Variants in MCPH1 observed in about 807,000 individuals in gnomAD.
MCPH1 encodes the protein microcephalin.
MCPH1 carries 104 observed loss-of-function variants against 84.5 expected under a neutral mutation model. The observed-to-expected ratio is 1.23, with a 90% CI of 1.05 to 1.45. The LOEUF is 1.45. Ranked by LOEUF, MCPH1 falls within the 40% of genes most tolerant of loss-of-function variation. MCPH1 has a pLI of 0.00. For missense variants in MCPH1, 1,498 were observed against 1,005.7 expected, an observed-to-expected ratio of 1.49 and a Z score of -6.62; for synonymous variants, 514 against 366.8, an observed-to-expected ratio of 1.40 and a Z score of -4.58.
chr8:6,624,425 GTCTCCAGTGTAGTGGGCA>G (rs1365526248), intron 13 of MCPH1, among the ~76,000 whole-genome samples: 4 of 151,480 alleles, frequency 2.6e-5, no homozygotes, highest in Non-Finnish European at 5.9e-5. Context: ...CGTAGTGGGC[GTCTCCAGTGTAGTGGGCA>G]TCTCCAGTGT....
At chr8:6,513,375 C>G (rs1815569005) in intron 12 of MCPH1, among the ~76,000 whole-genome samples, 2 of 150,720 alleles carry the variant, frequency 1.3e-5, no homozygotes, top group Admixed American at 1.3e-4. Context: ...CTCTGTCGCC[C>G]AGGTTGCAGT....
chr8:6,486,598 A>T (rs901042092), intron 11 of MCPH1, among the ~76,000 whole-genome samples: 1 of 152,186 alleles, frequency 6.6e-6, no homozygotes, highest in South Asian at 2.1e-4. Flanking sequence ...TGAGAAGTTT[A>T]TTGGCAATTT....
At chr8:6,527,627 A>C (rs766438954) in intron 12 of MCPH1, 7 of 1,613,874 alleles carry the variant, frequency 4.3e-6, no homozygotes, top group Non-Finnish European at 5.9e-6. Flanking sequence ...GTTTGTCGAG[A>C]GGGAGTGTTC....
intron 9 of MCPH1, among the ~76,000 whole-genome samples, chr8:6,475,307 C>T (rs1348405686): frequency 6.6e-6 from 1 of 152,240 alleles, no homozygotes; most frequent in Non-Finnish European, 1.5e-5. Context: ...ACTCCTTTTA[C>T]GTGGTGGACA....
intron 3 of MCPH1, among the ~76,000 whole-genome samples, chr8:6,429,211 C>T (rs780209019): frequency 1.3e-5 from 2 of 152,184 alleles, no homozygotes; most frequent in Non-Finnish European, 2.9e-5. Flanking sequence ...TATTTCCTTT[C>T]ATGGAAAACT....
At chr8:6,420,341 G>C (rs967656566) in intron 3 of MCPH1, among the ~76,000 whole-genome samples, 1 of 152,018 alleles carries the variant, frequency 6.6e-6, no homozygotes, top group African/African-American at 2.4e-5. Context: ...TCTCCAGGCT[G>C]TACTACTTTT....
At chr8:6,418,011 G>A (rs2129552112) in intron 3 of MCPH1, among the ~76,000 whole-genome samples, 1 of 152,312 alleles carries the variant, frequency 6.6e-6, no homozygotes, top group Non-Finnish European at 1.5e-5. Context: ...TTGCTTAGAT[G>A]CGCCCTTTAA....
rs749638544 is a variant in MCPH1, at chr8:6,480,695, T to A, written c.1974-19T>A. On this transcript the variant is annotated intron_variant, in intron 10 of 13. Coordinates refer to ENST00000344683, the MANE Select transcript of MCPH1 (RefSeq NM_024596.5). Reference sequence around the variant, plus strand: ...CAACAAAGTCATTCATTTTGTTAATTTTTCCCCCGATTTGACAGAAAGCAG... The same window carrying A: ...CAACAAAGTCATTCATTTTGTTAATATTTCCCCCGATTTGACAGAAAGCAG... 5.0e-6 allele frequency: 8 copies of A among 1,613,984 alleles called. No homozygotes were observed. Among genetic ancestry groups the A allele is most frequent in the Non-Finnish European group, 6.8e-6 (8 of 1,179,984 alleles).
At chr8:6,634,354 G>A (rs1481761183) in intron 13 of MCPH1, among the ~76,000 whole-genome samples, 1 of 152,176 alleles carries the variant, frequency 6.6e-6, no homozygotes, top group Non-Finnish European at 1.5e-5. Flanking sequence ...CAAGATTATC[G>A]CTAATGAAAA....
intron 9 of MCPH1, among the ~76,000 whole-genome samples, chr8:6,468,647 T>G (rs1222851078): frequency 2.8e-5 from 2 of 71,214 alleles, no homozygotes; most frequent in African/African-American, 2.1e-4. Flanking sequence ...ATTTTTTTGG[T>G]TTTTTTTTTT....
intron 1 of MCPH1, chr8:6,406,999 C>A: frequency 2.3e-6 from 1 of 438,484 alleles, no homozygotes; most frequent in Admixed American, 3.8e-5. Context: ...CCCCAACCCC[C>A]GTGCTGCTAG....
Position 6,445,643 on chromosome 8 carries a change from T to C in MCPH1, c.1825+96T>C, listed in dbSNP as rs535208899. On this transcript the variant is annotated intron_variant, in intron 8 of 13. Transcript: ENST00000344683. The stretch of plus-strand genomic sequence containing the variant: ...TATCACAACTTTTTCATAACTTATT[T>C]CCCCATTTACTCCTCTTTTTACTTA... 11 of 1,483,488 alleles carry C rather than the reference T, an allele frequency of 7.4e-6. No individual in the cohort carries two copies. In the African/African-American group the frequency reaches 1.3e-4, roughly 17 times the overall value. 91.9% of individuals were successfully genotyped at this position (1,483,488 alleles called of 1,614,324 possible).
At chr8:6,630,716 G>C (rs761662486) in intron 13 of MCPH1, among the ~76,000 whole-genome samples, 9 of 151,452 alleles carry the variant, frequency 5.9e-5, no homozygotes, top group African/African-American at 1.9e-4. Context: ...GGGAGGTGGA[G>C]GTTGCAGTGA....
At position 6,630,795 on chromosome 8, in the gene MCPH1, A is replaced by T. The variant is rs60488979; in HGVS notation, c.2452+9104A>T. 3.9e-3 allele frequency among the ~76,000 whole-genome samples: 272 copies of T among 70,280 alleles called. 3 individuals are homozygous for T. The highest frequency in any genetic ancestry group is 0.01 in the African/African-American group (244 of 23,948). 46.1% of individuals were successfully genotyped at this position (70,280 alleles called of 152,430 possible). On this transcript the variant is annotated intron_variant, in intron 13 of 13. Coordinates refer to ENST00000344683, the MANE Select transcript of MCPH1 (RefSeq NM_024596.5). ...AAACTCTGTCCTAAAAAAAAAAAAC[A>T]AAAAAAAAAAACAATTATATATCAA...
intron 12 of MCPH1, 60 bp from the exon 13 acceptor site, chr8:6,621,394 C>A: frequency 6.2e-7 from 1 of 1,600,828 alleles, no homozygotes; most frequent in Non-Finnish European, 8.5e-7. Flanking sequence ...AACAGTTCGC[C>A]TACGCTATGG....
intron 12 of MCPH1, among the ~76,000 whole-genome samples, chr8:6,576,842 AG>A (rs1331585309): frequency 6.6e-6 from 1 of 151,648 alleles, no homozygotes; most frequent in African/African-American, 2.4e-5. Flanking sequence ...GGAGAGGCAC[AG>A]GCGTCAGCCA....
At chr8:6,591,513 C>T (rs527653252) in intron 12 of MCPH1, among the ~76,000 whole-genome samples, 26 of 152,352 alleles carry the variant, frequency 1.7e-4, no homozygotes, top group African/African-American at 6.3e-4. Context: ...TCTTTCTCTC[C>T]TGTCCTCTAG....
chr8:6,480,416 G>A (rs1809049575), intron 10 of MCPH1, among the ~76,000 whole-genome samples: 1 of 152,180 alleles, frequency 6.6e-6, no homozygotes, highest in African/African-American at 2.4e-5. Context: ...ACCGCGCCCA[G>A]CCAGGGGCCT....
At chr8:6,606,748 T>A (rs1485872743) in intron 12 of MCPH1, among the ~76,000 whole-genome samples, 1 of 152,224 alleles carries the variant, frequency 6.6e-6, no homozygotes, top group Non-Finnish European at 1.5e-5. Flanking sequence ...CATCTTGAGT[T>A]CCCACATGTT....
Sources: gnomAD v4.1 joint callset for allele counts (sites outside exome capture counted in the v4.1 genomes callset) on GRCh38, gnomAD v4.1.1 for gene constraint, MANE v1.5 for transcripts, NCBI Gene and HGNC (gene_info 2026-07-23, HGNC 2026-07-21) for gene names.